ZNF438: variants seen among roughly 807,000 people sequenced by gnomAD.
The protein encoded by ZNF438 is zinc finger protein 438.
ZNF438 carries 25 observed loss-of-function variants against 38.0 expected under a neutral mutation model. The observed-to-expected ratio is 0.66, with a 90% CI of 0.48 to 0.92. The LOEUF (loss-of-function observed/expected upper bound fraction) is 0.92, where lower values mean the gene tolerates loss of function less well. Ranked by LOEUF, ZNF438 falls within the 40% of genes least tolerant of loss-of-function variation. The probability of loss-of-function intolerance (pLI) is 0.00; values close to 1 mark genes in which losing one functional copy is unlikely to be tolerated. For missense variants in ZNF438, 1,007 were observed against 999.6 expected, an observed-to-expected ratio of 1.01 and a Z score of -0.10; for synonymous variants, 372 against 364.1, an observed-to-expected ratio of 1.02 and a Z score of -0.25.
chr10:31,003,249 C>T (rs1291013801), intron 1 of ZNF438, among the ~76,000 whole-genome samples: 3 of 152,160 alleles, frequency 2.0e-5, no homozygotes, highest in African/African-American at 7.2e-5. Context: ...GATGTGCTTC[C>T]TATATTTAAT....
At chr10:31,000,448 A>G (rs766355701) in intron 1 of ZNF438, among the ~76,000 whole-genome samples, 7 of 152,232 alleles carry the variant, frequency 4.6e-5, no homozygotes, top group Non-Finnish European at 8.8e-5. Context: ...ACACTGATGT[A>G]TAATTCCTTT....
intron 1 of ZNF438, among the ~76,000 whole-genome samples, chr10:31,025,527 T>C (rs777863148): frequency 1.6e-4 from 24 of 152,366 alleles, no homozygotes; most frequent in African/African-American, 3.4e-4. Context: ...CTGAAATTAA[T>C]AGCTTTGCAA....
At chr10:30,982,055 ATGTAATTTAAACT>A (rs1345656082) in intron 1 of ZNF438, among the ~76,000 whole-genome samples, 3 of 150,470 alleles carry the variant, frequency 2.0e-5, no homozygotes, top group Non-Finnish European at 3.0e-5. Flanking sequence ...TACATGATCA[ATGTAATTTAAACT>A]TGGCCTGAGA....
At position 30,888,344 on chromosome 10, in the gene ZNF438, A is replaced by AACACACACAC. The variant is rs140506626; in HGVS notation, c.-31-11289_-31-11280dup. Among the ~76,000 whole-genome samples, 760 of 147,128 alleles carry AACACACACAC rather than the reference A, an allele frequency of 5.2e-3. 6 individuals carry two copies. The highest frequency in any genetic ancestry group is 0.022 in the East Asian group (112 of 5,112). On this transcript the variant is annotated intron_variant, in intron 3 of 5. Coordinates refer to ENST00000413025, the Ensembl canonical transcript of ZNF438. ...CCCACTTTAGTTATATAATATTATA[A>AACACACACAC]ACACACACACACACACAAACACACA...
At position 30,877,134 on chromosome 10, in the gene ZNF438, T is replaced by C. The variant is rs192149944; in HGVS notation, c.-31-69A>G. The C allele has an allele frequency of 5.3e-5, 44 of 829,012 alleles. No homozygotes were observed. The East Asian group carries it at 7.1e-4, about 13-fold the overall frequency. 51.4% of individuals were successfully genotyped at this position (829,012 alleles called of 1,614,324 possible). ...AGAGCATGTTAATGCATACTAAATA[T>C]AGAAATTCTAAGCTGTTTTTTAAAG... is the stretch of plus-strand genomic sequence containing the variant. On this transcript the variant is annotated intron_variant, in intron 3 of 5. Transcript: ENST00000413025.
chr10:31,021,966 C>A (rs1321797399), intron 1 of ZNF438, among the ~76,000 whole-genome samples: 1 of 152,174 alleles, frequency 6.6e-6, no homozygotes, highest in Admixed American at 6.5e-5. Context: ...GCATTTGAAG[C>A]AAATTGGAAA....
chr10:30,951,972 G>A (rs1032276184), intron 1 of ZNF438, among the ~76,000 whole-genome samples: 1 of 150,942 alleles, frequency 6.6e-6, no homozygotes, highest in African/African-American at 2.4e-5. Flanking sequence ...AACAAAGCTG[G>A]AGGCATCACA....
chr10:30,985,903 T>C (rs1210947312), intron 1 of ZNF438, among the ~76,000 whole-genome samples: 1 of 152,204 alleles, frequency 6.6e-6, no homozygotes, highest in Non-Finnish European at 1.5e-5. Context: ...CACTGCATGA[T>C]GTGTCAGTCA....
Position 30,915,358 on chromosome 10 carries a change from T to C in ZNF438, c.-114-6343A>G, listed in dbSNP as rs115513681. Among the ~76,000 whole-genome samples the C allele has an allele frequency of 5.9e-3, 900 of 152,178 alleles. 10 individuals are homozygous for C. The highest frequency in any genetic ancestry group is 0.021 in the African/African-American group (867 of 41,528). ...TGCAGAACTCTGGCACTTCCTGTGA[T>C]AAATGAAGCAATAAGGCTTTGGAAT... On this transcript the variant is annotated intron_variant, in intron 2 of 5. Transcript: ENST00000413025.
chr10:30,886,287 G>T (rs953768001), intron 3 of ZNF438, among the ~76,000 whole-genome samples: 1 of 152,154 alleles, frequency 6.6e-6, no homozygotes, highest in Non-Finnish European at 1.5e-5. Context: ...AATAGGAACT[G>T]CCTGGATGAA....
Position 30,885,578 on chromosome 10 carries a change from G to A in ZNF438, c.-31-8513C>T, listed in dbSNP as rs376989277. 3.3e-5 allele frequency among the ~76,000 whole-genome samples: 5 copies of A among 152,272 alleles called. No homozygotes were observed. In the East Asian group the frequency reaches 9.7e-4, roughly 29 times the overall value. On this transcript the variant is annotated intron_variant, in intron 3 of 5. Transcript: ENST00000413025. Reference sequence around the variant, plus strand: ...GTGCTCAAAGAAAATTAAGCATCTTGCTCAAGGTCACTCAGATGGGCCAGA... The same window carrying A: ...GTGCTCAAAGAAAATTAAGCATCTTACTCAAGGTCACTCAGATGGGCCAGA...
chr10:31,024,462 T>TA (rs1408329885), intron 1 of ZNF438, among the ~76,000 whole-genome samples: 2 of 151,932 alleles, frequency 1.3e-5, no homozygotes, highest in Admixed American at 6.6e-5. Flanking sequence ...CCGCCTCTAC[T>TA]AAAAAAATAC....
At chr10:30,981,872 C>CA (rs1286123899) in intron 1 of ZNF438, among the ~76,000 whole-genome samples, 8 of 143,070 alleles carry the variant, frequency 5.6e-5, no homozygotes, top group Non-Finnish European at 1.1e-4. Flanking sequence ...AGCGAGACTC[C>CA]ATCTCAAAAA....
intron 1 of ZNF438, among the ~76,000 whole-genome samples, chr10:30,974,663 C>A (rs2051135853): frequency 6.6e-6 from 1 of 152,148 alleles, no homozygotes; most frequent in African/African-American, 2.4e-5. Context: ...CTGTTCAAAG[C>A]AGTAAGATAA....
intron 1 of ZNF438, among the ~76,000 whole-genome samples, chr10:30,957,981 A>G (rs1221774846): frequency 6.8e-6 from 1 of 146,244 alleles, no homozygotes; most frequent in African/African-American, 2.4e-5. Flanking sequence ...ATTTTTCTTG[A>G]GGTTTGGAAA....
intron 1 of ZNF438, among the ~76,000 whole-genome samples, chr10:31,015,739 T>C (rs527283574): frequency 5.9e-5 from 9 of 152,228 alleles, no homozygotes; most frequent in Non-Finnish European, 1.2e-4. Context: ...AATAATGACA[T>C]ACCATGACTG....
chr10:30,847,374 G>A (rs1189160795), intron 5 of ZNF438, among the ~76,000 whole-genome samples: 3 of 152,154 alleles, frequency 2.0e-5, no homozygotes, highest in Non-Finnish European at 4.4e-5. Flanking sequence ...TCTCTGCTGA[G>A]AGCACAAGAG....
chr10:30,916,441 ACTTAT>A (rs1267485862), intron 2 of ZNF438, among the ~76,000 whole-genome samples: 1 of 152,074 alleles, frequency 6.6e-6, no homozygotes, highest in African/African-American at 2.4e-5. Flanking sequence ...AGAATACATT[ACTTAT>A]AACTTTGAAG....
intron 1 of ZNF438, among the ~76,000 whole-genome samples, chr10:30,952,206 A>G (rs1448869670): frequency 5.3e-5 from 8 of 151,104 alleles, no homozygotes; most frequent in African/African-American, 1.5e-4. Context: ...ATATGTAGAA[A>G]GCTGAAACTG....
Sources: allele counts gnomAD v4.1 joint callset (sites outside exome capture counted in the v4.1 genomes callset), GRCh38; gene constraint gnomAD v4.1.1; transcripts MANE v1.5; gene names NCBI Gene and HGNC (gene_info 2026-07-23, HGNC 2026-07-21).